Variants in ATRNL1 observed in about 807,000 individuals in gnomAD.
The protein encoded by ATRNL1 is attractin like 1, also known as attractin-like protein 1.
ATRNL1 carries 95 observed loss-of-function variants against 182.7 expected under a neutral mutation model. The ratio of observed to expected loss-of-function variants is 0.52; its 90% CI spans 0.44 to 0.62. ATRNL1 has a LOEUF of 0.62. Ranked by LOEUF, ATRNL1 falls within the 20% of genes least tolerant of loss-of-function variation. The pLI, the probability that ATRNL1 is intolerant of heterozygous loss-of-function variation, is 0.00. For missense variants in ATRNL1, 1,471 were observed against 1,679.5 expected (o/e 0.88, Z 2.17); for synonymous variants, 576 against 568.3 (o/e 1.01, Z -0.19).
At chr10:115,531,924 A>C (rs1851611528) in intron 25 of ATRNL1, among the ~76,000 whole-genome samples, 1 of 145,974 alleles carries the variant, frequency 6.9e-6, no homozygotes, top group Non-Finnish European at 1.5e-5. Flanking sequence ...GGTTTGTCAA[A>C]GATCAGATAG....
At chr10:115,676,222 A>T (rs182103013) in intron 26 of ATRNL1, among the ~76,000 whole-genome samples, 3 of 152,222 alleles carry the variant, frequency 2.0e-5, no homozygotes, top group Admixed American at 2.0e-4. Flanking sequence ...AATCACAAAA[A>T]CTAAAGAAAG....
chr10:115,948,409 C>T lies in ATRNL1; in HGVS notation c.*3630C>T, dbSNP rs1953922227. 2 of 152,070 alleles carry T rather than the reference C, an allele frequency of 1.3e-5. No individual in the cohort carries two copies. The highest frequency in any genetic ancestry group is 2.4e-5 in the African/African-American group (1 of 41,404). 9.4% of individuals were successfully genotyped at this position (152,070 alleles called of 1,614,324 possible). A position where few individuals can be genotyped will look rare whatever the true frequency, so the allele number is the denominator to read the frequency against. On this transcript the variant is annotated 3_prime_UTR_variant, in exon 29 of 29. Transcript: ENST00000355044. ...AACTGACCAAATGAACTAATTCTAC[C>T]CACCTATGGTCTTTTTAAATGTCGA...
intron 28 of ATRNL1, among the ~76,000 whole-genome samples, chr10:115,895,009 G>A (rs1251567093): frequency 4.6e-5 from 7 of 152,090 alleles, no homozygotes; most frequent in Admixed American, 2.0e-4. Flanking sequence ...TCAAATTGCC[G>A]TGTGCATGAG....
At chr10:115,675,551 A>T (rs891541901) in intron 26 of ATRNL1, among the ~76,000 whole-genome samples, 2 of 152,114 alleles carry the variant, frequency 1.3e-5, no homozygotes, top group Non-Finnish European at 2.9e-5. Flanking sequence ...ATACATTGTA[A>T]TGAAGTTCCT....
intron 26 of ATRNL1, among the ~76,000 whole-genome samples, chr10:115,566,819 A>G (rs1423684314): frequency 6.6e-6 from 1 of 152,160 alleles, no homozygotes; most frequent in East Asian, 1.9e-4. Context: ...TGCAAGATAC[A>G]CTAAGGTTAG....
chr10:115,172,140 A>T (rs553010960), intron 8 of ATRNL1, among the ~76,000 whole-genome samples: 1 of 152,054 alleles, frequency 6.6e-6, no homozygotes, highest in African/African-American at 2.4e-5. Context: ...CTCCCCTTCG[A>T]AATACTCCAC....
At chr10:115,720,183 T>C (rs10787594) in intron 26 of ATRNL1, among the ~76,000 whole-genome samples, 56,385 of 151,918 alleles carry the variant, frequency 0.37, 11,303 homozygotes, top group East Asian at 0.59. Context: ...TTAAATTAAA[T>C]TTATTTTCAT....
intron 28 of ATRNL1, among the ~76,000 whole-genome samples, chr10:115,888,127 A>C (rs1284191500): frequency 6.6e-6 from 1 of 152,160 alleles, no homozygotes; most frequent in African/African-American, 2.4e-5. Context: ...GAGTTCTCTA[A>C]GGTAGCAGTC....
chr10:115,578,205 C>T (rs544568236), intron 26 of ATRNL1, among the ~76,000 whole-genome samples: 149 of 151,694 alleles, frequency 9.8e-4, no homozygotes, highest in African/African-American at 3.5e-3. Context: ...AATATTGGCC[C>T]ATAGTTTTCT....
At chr10:115,535,120 C>T (rs1256480442) in intron 25 of ATRNL1, among the ~76,000 whole-genome samples, 5 of 150,644 alleles carry the variant, frequency 3.3e-5, no homozygotes, top group East Asian at 2.0e-4. Context: ...ATCTTTGTGG[C>T]GTTCTCTGTA....
chr10:115,156,641 C>T (rs1384408906), intron 5 of ATRNL1, among the ~76,000 whole-genome samples: 2 of 152,052 alleles, frequency 1.3e-5, no homozygotes, highest in Admixed American at 6.6e-5. Context: ...TTTTTTAAAA[C>T]TGTGCATAAC....
At chr10:115,846,272 C>T (rs1555098732) in intron 27 of ATRNL1, among the ~76,000 whole-genome samples, 1 of 151,968 alleles carries the variant, frequency 6.6e-6, no homozygotes, top group African/African-American at 2.4e-5. Flanking sequence ...AATTTTAAAA[C>T]ATGAGATTTA....
At chr10:115,734,989 G>A (rs1555064976) in intron 27 of ATRNL1, among the ~76,000 whole-genome samples, 1 of 151,908 alleles carries the variant, frequency 6.6e-6, no homozygotes, top group African/African-American at 2.4e-5. Context: ...TTTAAATCTT[G>A]CTTCCAATTT....
chr10:115,330,904 A>G (rs1554934847), intron 18 of ATRNL1, among the ~76,000 whole-genome samples: 1 of 151,870 alleles, frequency 6.6e-6, no homozygotes, highest in Non-Finnish European at 1.5e-5. Context: ...TTTGAACACT[A>G]ATGATACACA....
chr10:115,333,055 G>A (rs1315838250), intron 18 of ATRNL1, among the ~76,000 whole-genome samples: 1 of 152,186 alleles, frequency 6.6e-6, no homozygotes, highest in Non-Finnish European at 1.5e-5. Context: ...TGATGCTTAT[G>A]TACACTTACC....
intron 20 of ATRNL1, among the ~76,000 whole-genome samples, chr10:115,412,813 A>G (rs1331462711): frequency 6.6e-6 from 1 of 152,188 alleles, no homozygotes; most frequent in African/African-American, 2.4e-5. Context: ...ATTTTAATTG[A>G]TCTGAGTAAT....
At chr10:115,664,196 A>G (rs12245465) in intron 26 of ATRNL1, among the ~76,000 whole-genome samples, 1,766 of 152,200 alleles carry the variant, frequency 0.012, 36 homozygotes, top group African/African-American at 0.04. Context: ...CTAACTCCCT[A>G]TACCAATCTG....
At chr10:115,421,049 A>G (rs1400673223) in intron 20 of ATRNL1, among the ~76,000 whole-genome samples, 1 of 152,196 alleles carries the variant, frequency 6.6e-6, no homozygotes, top group Non-Finnish European at 1.5e-5. Context: ...TTGAATCAGT[A>G]AAACAAAGAC....
At chr10:115,327,132 T>A (rs1554933563) in intron 18 of ATRNL1, among the ~76,000 whole-genome samples, 1 of 151,368 alleles carries the variant, frequency 6.6e-6, no homozygotes, top group African/African-American at 2.4e-5. Flanking sequence ...GAAACTACCA[T>A]CAGAGTGAAC....
Sources: allele counts gnomAD v4.1 joint callset (sites outside exome capture counted in the v4.1 genomes callset), GRCh38; gene constraint gnomAD v4.1.1; transcripts MANE v1.5; gene names NCBI Gene and HGNC (gene_info 2026-07-23, HGNC 2026-07-21).